The following CDH11 variants were observed in gnomAD, a reference collection of about 807,000 sequenced individuals.
CDH11 encodes the protein cadherin 11.
CDH11 carries 11 observed loss-of-function variants against 67.8 expected under a neutral mutation model. The observed-to-expected ratio is 0.16, with a 90% CI of 0.10 to 0.27. The LOEUF (loss-of-function observed/expected upper bound fraction) is 0.27, where lower values mean the gene tolerates loss of function less well. Ranked by LOEUF, CDH11 falls within the 10% of genes least tolerant of loss-of-function variation. The pLI, the probability that CDH11 is intolerant of heterozygous loss-of-function variation, is 1.00. For missense variants in CDH11, 847 were observed against 1,031.2 expected, an observed-to-expected ratio of 0.82 and a Z score of 2.45; for synonymous variants, 419 against 400.0, an observed-to-expected ratio of 1.05 and a Z score of -0.57.
At chr16:65,108,149 A>G (rs2142874044) in intron 1 of CDH11, among the ~76,000 whole-genome samples, 1 of 152,114 alleles carries the variant, frequency 6.6e-6, no homozygotes, top group South Asian at 2.1e-4. Context: ...GCACAGGAGG[A>G]GTGGGGGTGA....
chr16:65,022,355 G>A (rs2073445493), intron 2 of CDH11, among the ~76,000 whole-genome samples: 1 of 152,086 alleles, frequency 6.6e-6, no homozygotes. Flanking sequence ...TAAAAGATAG[G>A]TGGATCCAAA....
intron 7 of CDH11, chr16:64,985,704 T>A (rs2072469595): frequency 6.7e-6 from 1 of 150,298 alleles, no homozygotes; most frequent in African/African-American, 2.5e-5. Flanking sequence ...ATTTTTATTA[T>A]TATTATCAGG....
chr16:64,965,330 C>T (rs982709822), intron 11 of CDH11, among the ~76,000 whole-genome samples: 3 of 151,772 alleles, frequency 2.0e-5, no homozygotes, highest in South Asian at 2.1e-4. Context: ...TACAGTGAGC[C>T]GAGATTGCAC....
chr16:64,968,045 T>C (rs1194892446), intron 11 of CDH11, among the ~76,000 whole-genome samples: 1 of 152,192 alleles, frequency 6.6e-6, no homozygotes, highest in East Asian at 1.9e-4. Context: ...ACAAAGACTT[T>C]TGAAATGAAT....
At chr16:65,110,024 C>T (rs987304619) in intron 1 of CDH11, among the ~76,000 whole-genome samples, 24 of 152,260 alleles carry the variant, frequency 1.6e-4, no homozygotes, top group African/African-American at 5.1e-4. Flanking sequence ...GCACGTGACA[C>T]CGTGCTCAGC....
intron 2 of CDH11, among the ~76,000 whole-genome samples, chr16:65,023,031 T>C (rs2142583915): frequency 6.6e-6 from 1 of 152,206 alleles, no homozygotes; most frequent in African/African-American, 2.4e-5. Context: ...TAAGCATGCA[T>C]TTGGGCATTG....
rs35617108 is a variant in CDH11, at chr16:65,032,324, C to CAAA, written c.-173+21477_-173+21479dup. On this transcript the variant is annotated intron_variant, in intron 2 of 12. Transcript: ENST00000268603. Reference sequence around the variant, plus strand: ...CAACATGGAGAAACTCTGTCTCTCCCAAAAAAAAAAAAAAAAAAATCCAGG... The same window carrying CAAA: ...CAACATGGAGAAACTCTGTCTCTCCCAAAAAAAAAAAAAAAAAAAAAATCCAGG... 2.1e-4 allele frequency among the ~76,000 whole-genome samples: 23 copies of CAAA among 109,378 alleles called. No individual in the cohort carries two copies. The East Asian group carries it at 2.5e-3, about 12-fold the overall frequency. The allele number at this position is 109,378 out of a possible 152,430, so 71.8% of individuals were successfully genotyped here.
At chr16:64,978,072 G>C (rs750889594) in intron 8 of CDH11, among the ~76,000 whole-genome samples, 1 of 151,886 alleles carries the variant, frequency 6.6e-6, no homozygotes, top group African/African-American at 2.4e-5. Flanking sequence ...AAATTCATTA[G>C]TGCCTCCCTA....
Position 64,946,402 on chromosome 16 carries a change from G to T in CDH11, c.*1201C>A. On this transcript the variant is annotated 3_prime_UTR_variant, in exon 13 of 13. Transcript: ENST00000268603. ...TACCTGGAACATTAGAGTTCTGATA[G>T]CTCCATTCCCTCATGGATTCATCTC... The T allele has an allele frequency of 2.9e-6, 3 of 1,035,714 alleles. No homozygotes were observed. The highest frequency in any genetic ancestry group is 3.5e-6 in the Non-Finnish European group (3 of 860,162). 64.2% of individuals were successfully genotyped at this position (1,035,714 alleles called of 1,614,324 possible). A position where few individuals can be genotyped will look rare whatever the true frequency, so the allele number is the denominator to read the frequency against.
chr16:64,967,559 C>T (rs1178987950), intron 11 of CDH11, among the ~76,000 whole-genome samples: 1 of 152,054 alleles, frequency 6.6e-6, no homozygotes, highest in Non-Finnish European at 1.5e-5. Flanking sequence ...TACTTACAGT[C>T]AACTGATATT....
chr16:64,950,620 C>G, intron 12 of CDH11, 147 bp downstream of exon 12: 1 of 914,014 alleles, frequency 1.1e-6, no homozygotes, highest in Non-Finnish European at 1.6e-6. Flanking sequence ...ACGCCCACCC[C>G]GCCCCCGTAC....
intron 11 of CDH11, among the ~76,000 whole-genome samples, chr16:64,965,141 C>T (rs1047295694): frequency 3.2e-4 from 44 of 138,522 alleles, no homozygotes; most frequent in African/African-American, 1.2e-3. Flanking sequence ...GGTGGATTAC[C>T]TGAGGTCAGG....
At chr16:65,037,093 T>C (rs1476600272) in intron 2 of CDH11, among the ~76,000 whole-genome samples, 1 of 151,982 alleles carries the variant, frequency 6.6e-6, no homozygotes, top group Admixed American at 6.6e-5. Context: ...CTGGGCAACA[T>C]CACATGAAGG....
At chr16:65,011,097 TTATA>T (rs891381501) in intron 2 of CDH11, among the ~76,000 whole-genome samples, 1 of 114,868 alleles carries the variant, frequency 8.7e-6, no homozygotes, top group Admixed American at 1.1e-4. Context: ...CACATATTTT[TTATA>T]TATATATATA....
At chr16:64,980,540 G>A (rs1234930597) in intron 8 of CDH11, among the ~76,000 whole-genome samples, 1 of 152,154 alleles carries the variant, frequency 6.6e-6, no homozygotes, top group South Asian at 2.1e-4. Flanking sequence ...ACTTGGAAAG[G>A]CAAGGGCTAC....
chr16:65,110,257 C>G (rs964439191), intron 1 of CDH11, among the ~76,000 whole-genome samples: 8 of 152,168 alleles, frequency 5.3e-5, no homozygotes, highest in Admixed American at 1.3e-4. Context: ...GAGAAGAACT[C>G]AAAAGCCAGA....
chr16:64,950,852 G>A lies in CDH11; in HGVS notation c.1809C>T (p.Ser603=). The A allele has an allele frequency of 3.1e-6, 5 of 1,614,228 alleles. No homozygotes were observed. The highest frequency in any genetic ancestry group is 4.2e-6 in the Non-Finnish European group (5 of 1,180,042). The change falls in exon 12 of 13, where the codon TCC becomes TCT. Residue 603 remains serine, a synonymous_variant. Transcript: ENST00000268603. ...CGCDVNGALL[S]CNAEAYILNA... is the part of the protein sequence containing the mutation. ...TCAGAATGTAGGCCTCTGCGTTGCA[G>A]GAGAGCAGTGCCCCGTTCACGTCGC...
chr16:64,978,059 A>G (rs2072226748), intron 8 of CDH11, among the ~76,000 whole-genome samples: 1 of 152,148 alleles, frequency 6.6e-6, no homozygotes, highest in Non-Finnish European at 1.5e-5. Flanking sequence ...CTTTTTCATA[A>G]GTAAATTCAT....
chr16:65,073,387 T>C (rs922794298), intron 1 of CDH11, among the ~76,000 whole-genome samples: 31 of 152,206 alleles, frequency 2.0e-4, no homozygotes, highest in African/African-American at 7.2e-4. Flanking sequence ...TGCATGTGAT[T>C]CTCATGCCTC....
Sources: gnomAD v4.1 joint callset for allele counts (sites outside exome capture counted in the v4.1 genomes callset) on GRCh38, gnomAD v4.1.1 for gene constraint, MANE v1.5 for transcripts, NCBI Gene and HGNC (gene_info 2026-07-23, HGNC 2026-07-21) for gene names.